Variants in SVOPL observed in about 807,000 individuals in gnomAD.
The protein encoded by SVOPL is SVOP like, also known as putative transporter SVOPL.
In SVOPL, 60 loss-of-function variants were observed where a neutral mutation model predicts 61.0. The ratio of observed to expected loss-of-function variants is 0.98; its 90% CI spans 0.80 to 1.22. The LOEUF (loss-of-function observed/expected upper bound fraction) is 1.22. SVOPL is among the 50% of genes most tolerant of loss of function. SVOPL has a pLI of 0.00. For missense variants in SVOPL, 662 were observed against 643.9 expected, an observed-to-expected ratio of 1.03 and a Z score of -0.30; for synonymous variants, 279 against 250.0, an observed-to-expected ratio of 1.12 and a Z score of -1.09.
At chr7:138,607,797 G>GATGCT (rs1798821670) in intron 14 of SVOPL, among the ~76,000 whole-genome samples, 2 of 152,138 alleles carry the variant, frequency 1.3e-5, no homozygotes, top group African/African-American at 4.8e-5. Context: ...AATGCTGATT[G>GATGCT]GAAGCATTCA....
At chr7:138,664,659 G>T (rs1362746849) in intron 4 of SVOPL, among the ~76,000 whole-genome samples, 1 of 146,026 alleles carries the variant, frequency 6.8e-6, no homozygotes. Flanking sequence ...TCCATCGGGC[G>T]CGCGCCTAAC....
intron 14 of SVOPL, among the ~76,000 whole-genome samples, chr7:138,599,144 A>G (rs1231458481): frequency 3.4e-5 from 2 of 58,398 alleles, no homozygotes; most frequent in Non-Finnish European, 6.5e-5. Flanking sequence ...CCGTCTCCAA[A>G]AAAAAAAAAA....
chr7:138,611,871 G>A (rs1481163171), intron 14 of SVOPL, among the ~76,000 whole-genome samples: 51 of 75,494 alleles, frequency 6.8e-4, no homozygotes, highest in South Asian at 1.2e-3. Context: ...GCCTCTGCCC[G>A]GCCGCCACCC....
At chr7:138,618,771 A>G (rs891641451) in intron 14 of SVOPL, among the ~76,000 whole-genome samples, 10 of 152,036 alleles carry the variant, frequency 6.6e-5, no homozygotes, top group Non-Finnish European at 1.2e-4. Context: ...AAAGAAAAAG[A>G]AGGAAGGAAG....
At chr7:138,604,021 TG>T (rs943866400) in intron 14 of SVOPL, among the ~76,000 whole-genome samples, 5 of 148,828 alleles carry the variant, frequency 3.4e-5, no homozygotes, top group Non-Finnish European at 7.4e-5. Flanking sequence ...CTGAGTGCAG[TG>T]GTGTGGTCAC....
chr7:138,622,294 C>CT lies in SVOPL; in HGVS notation c.1264-1160dup, dbSNP rs1554457373. On this transcript the variant is annotated intron_variant, in intron 13 of 15. Transcript: ENST00000674285. Reference sequence around the variant, plus strand: ...TGTATCTATCTATCTATCTATCTATCTATCTATCTATCTATCTATCGACAG... The same window carrying CT: ...TGTATCTATCTATCTATCTATCTATCTTATCTATCTATCTATCTATCGACAG... 1.5e-3 allele frequency among the ~76,000 whole-genome samples: 153 copies of CT among 103,078 alleles called. 2 individuals carry two copies. Among genetic ancestry groups the CT allele is most frequent in the Non-Finnish European group, 2.0e-3 (96 of 47,426 alleles). The allele number at this position is 103,078 out of a possible 152,430, so 67.6% of individuals were successfully genotyped here.
Position 138,599,640 on chromosome 7 carries a change from C to A in SVOPL, c.1354-3110G>T, listed in dbSNP as rs958541131. Among the ~76,000 whole-genome samples the A allele has an allele frequency of 5.3e-5, 8 of 152,238 alleles. 1 individual carries two copies. Among genetic ancestry groups the A allele is most frequent in the Admixed American group, 3.9e-4 (6 of 15,298 alleles). On this transcript the variant is annotated intron_variant, in intron 14 of 15. Coordinates refer to ENST00000674285, the MANE Select transcript of SVOPL (RefSeq NM_001139456.2). The stretch of plus-strand genomic sequence containing the variant: ...TGGTGGCTCATGCCTGTAATCCCAG[C>A]ACTTTGGGAGGCCAAGGCAGGTGGA...
intron 9 of SVOPL, among the ~76,000 whole-genome samples, chr7:138,642,287 C>CAAAAAAAAAAAAAAAAAAAAAAA (rs79469915): frequency 1.8e-5 from 2 of 111,670 alleles, no homozygotes; most frequent in African/African-American, 3.6e-5. Context: ...GGAAATTAGC[C>CAAAAAAAAAAAAAAAAAAAAAAA]AAAAAAAAAA....
chr7:138,609,378 G>A (rs1051362154), intron 14 of SVOPL, among the ~76,000 whole-genome samples: 2 of 151,830 alleles, frequency 1.3e-5, no homozygotes, highest in Admixed American at 1.3e-4. Context: ...TGGGCCCGAT[G>A]GCTCACGCCT....
At chr7:138,660,049 T>C in intron 5 of SVOPL, 61 bp from the exon 6 acceptor site, 1 of 1,539,716 alleles carries the variant, frequency 6.5e-7, no homozygotes, top group Non-Finnish European at 8.8e-7. Flanking sequence ...GAAGAAGCCC[T>C]AACTTCTGAA....
chr7:138,618,094 C>G (rs1163868278), intron 14 of SVOPL, among the ~76,000 whole-genome samples: 3 of 152,170 alleles, frequency 2.0e-5, no homozygotes, highest in Non-Finnish European at 2.9e-5. Context: ...AGATTCGAAA[C>G]CTCCCCAATC....
chr7:138,614,778 C>T (rs543946965), intron 14 of SVOPL, among the ~76,000 whole-genome samples: 12 of 152,270 alleles, frequency 7.9e-5, no homozygotes, highest in South Asian at 6.2e-4. Flanking sequence ...CTGACGACAA[C>T]GGAAGTGAGT....
chr7:138,688,342 T>C (rs536254611), intron 1 of SVOPL, among the ~76,000 whole-genome samples: 15 of 152,172 alleles, frequency 9.9e-5, no homozygotes, highest in African/African-American at 3.4e-4. Context: ...TGTTCCTGGC[T>C]GACTGCAACC....
chr7:138,699,509 T>C (rs1410059523), intron 1 of SVOPL, among the ~76,000 whole-genome samples: 1 of 152,100 alleles, frequency 6.6e-6, no homozygotes, highest in Non-Finnish European at 1.5e-5. Flanking sequence ...ACTTGAGTGG[T>C]GTTGGGAAAT....
intron 14 of SVOPL, among the ~76,000 whole-genome samples, chr7:138,611,670 T>C (rs1166248003): frequency 1.3e-5 from 2 of 151,970 alleles, no homozygotes; most frequent in Non-Finnish European, 2.9e-5. Context: ...GCTGTAACCA[T>C]TAAATTAGGG....
At chr7:138,633,260 T>A (rs1800301614) in intron 9 of SVOPL, among the ~76,000 whole-genome samples, 1 of 152,290 alleles carries the variant, frequency 6.6e-6, no homozygotes, top group East Asian at 1.9e-4. Context: ...GTTTGGATAT[T>A]TGTCCCCTCC....
intron 4 of SVOPL, among the ~76,000 whole-genome samples, chr7:138,669,072 T>TA (rs1419828109): frequency 6.6e-6 from 1 of 152,220 alleles, no homozygotes; most frequent in Non-Finnish European, 1.5e-5. Flanking sequence ...AAGGTCCCTC[T>TA]AACCTTGTCT....
At chr7:138,602,101 C>T (rs572372366) in intron 14 of SVOPL, among the ~76,000 whole-genome samples, 2 of 152,090 alleles carry the variant, frequency 1.3e-5, no homozygotes, top group South Asian at 2.1e-4. Context: ...CCCAAATATT[C>T]GAAGGCTGAG....
chr7:138,698,809 T>G (rs1803127920), intron 1 of SVOPL, among the ~76,000 whole-genome samples: 1 of 151,106 alleles, frequency 6.6e-6, no homozygotes, highest in African/African-American at 2.5e-5. Context: ...ATCGAACAAA[T>G]TTTTACAATT....
Sources: gnomAD v4.1 joint callset for allele counts (sites outside exome capture counted in the v4.1 genomes callset) on GRCh38, gnomAD v4.1.1 for gene constraint, MANE v1.5 for transcripts, NCBI Gene and HGNC (gene_info 2026-07-23, HGNC 2026-07-21) for gene names.